BNC2: variants seen among roughly 807,000 people sequenced by gnomAD.
The protein encoded by BNC2 is zinc finger protein basonuclin-2.
BNC2 carries 20 observed loss-of-function variants against 76.3 expected under a neutral mutation model. That is an observed-to-expected ratio of 0.26 (90% CI 0.18 to 0.38). The LOEUF (loss-of-function observed/expected upper bound fraction) is 0.38, where lower values mean the gene tolerates loss of function less well. Ranked by LOEUF, BNC2 falls within the 10% of genes least tolerant of loss-of-function variation. The pLI, the probability that BNC2 is intolerant of heterozygous loss-of-function variation, is 1.00. For synonymous variants in BNC2, 582 were observed against 514.8 expected, an observed-to-expected ratio of 1.13 and a Z score of -1.77; for missense variants, 1,382 against 1,399.8, an observed-to-expected ratio of 0.99 and a Z score of 0.20.
At chr9:16,674,949 GAATCGGCATTTGAGCAACACCCA>G (rs1822595256) in intron 3 of BNC2, among the ~76,000 whole-genome samples, 1 of 152,104 alleles carries the variant, frequency 6.6e-6, no homozygotes, top group Admixed American at 6.5e-5. Context: ...TAAAGTTTAA[GAATCGGCATTTGAGCAACACCCA>G]AATTCTAAAC....
intron 5 of BNC2, among the ~76,000 whole-genome samples, chr9:16,509,018 C>A (rs1489477223): frequency 6.6e-6 from 1 of 151,878 alleles, no homozygotes; most frequent in Non-Finnish European, 1.5e-5. Context: ...TTAGTAAAGA[C>A]AGAGTCTTAC....
chr9:16,596,801 T>C lies in BNC2; in HGVS notation c.331-13716A>G, dbSNP rs112196301. On this transcript the variant is annotated intron_variant, in intron 3 of 6. Coordinates refer to ENST00000380672, the MANE Select transcript of BNC2 (RefSeq NM_017637.6). ...AATTTCATTACATATTCATGCTAGG[T>C]GATTGTGGTTGTAGATTAATTTTTT... is the stretch of plus-strand genomic sequence containing the variant. 5.3e-3 allele frequency among the ~76,000 whole-genome samples: 804 copies of C among 152,212 alleles called. 6 individuals are homozygous for C. Among genetic ancestry groups the C allele is most frequent in the African/African-American group, 0.018 (756 of 41,560 alleles).
chr9:16,697,129 G>A (rs533902626), intron 3 of BNC2, among the ~76,000 whole-genome samples: 1 of 152,208 alleles, frequency 6.6e-6, no homozygotes, highest in South Asian at 2.1e-4. Flanking sequence ...GGGAGGCTGA[G>A]GCGGGTGGAT....
intron 5 of BNC2, among the ~76,000 whole-genome samples, chr9:16,530,371 A>T (rs1817940504): frequency 6.6e-6 from 1 of 152,168 alleles, no homozygotes; most frequent in Non-Finnish European, 1.5e-5. Flanking sequence ...CTGGAACAAA[A>T]GTTCCAGAAA....
intron 5 of BNC2, among the ~76,000 whole-genome samples, chr9:16,446,158 A>T (rs4961718): frequency 6.6e-6 from 1 of 151,900 alleles, no homozygotes; most frequent in Non-Finnish European, 1.5e-5. Context: ...AAACACACAC[A>T]GGAATACAGA....
chr9:16,813,112 C>G lies in BNC2; in HGVS notation c.3+57534G>C, dbSNP rs542742651. Among the ~76,000 whole-genome samples, 807 of 152,066 alleles carry G rather than the reference C, an allele frequency of 5.3e-3. 5 individuals are homozygous for G. Among genetic ancestry groups the G allele is most frequent in the Middle Eastern group, 6.8e-3 (2 of 294 alleles). ...ACTTGGAAGGCTGAGGCAGGAGAAT[C>G]ACTGGAACCCTGTAGGCCGAGGTTG... On this transcript the variant is annotated intron_variant, in intron 1 of 6. Coordinates refer to ENST00000380672, the MANE Select transcript of BNC2 (RefSeq NM_017637.6).
At chr9:16,480,253 C>T (rs1822017862) in intron 5 of BNC2, among the ~76,000 whole-genome samples, 1 of 152,226 alleles carries the variant, frequency 6.6e-6, no homozygotes, top group Non-Finnish European at 1.5e-5. Flanking sequence ...CAGTACACTG[C>T]ACAGCCTCTC....
At chr9:16,441,416 G>A (rs531549651) in intron 5 of BNC2, among the ~76,000 whole-genome samples, 5 of 152,354 alleles carry the variant, frequency 3.3e-5, no homozygotes, top group African/African-American at 7.2e-5. Flanking sequence ...AAGTGTGCAA[G>A]CTGGATGCTA....
intron 3 of BNC2, among the ~76,000 whole-genome samples, chr9:16,675,736 C>T (rs76121798): frequency 0.014 from 2,062 of 152,096 alleles, 51 homozygotes; most frequent in African/African-American, 0.046. Context: ...CCTTAGTTTC[C>T]AAATCTGTAA....
chr9:16,836,787 C>G (rs1371443458), intron 1 of BNC2, among the ~76,000 whole-genome samples: 2 of 151,070 alleles, frequency 1.3e-5, no homozygotes, highest in East Asian at 1.9e-4. Context: ...GGTAGAAGAA[C>G]CAACCTCAAA....
At chr9:16,829,223 G>T (rs1462475099) in intron 1 of BNC2, among the ~76,000 whole-genome samples, 1 of 152,232 alleles carries the variant, frequency 6.6e-6, no homozygotes, top group Non-Finnish European at 1.5e-5. Context: ...AGGAAGGGTA[G>T]AAGAGAGGAG....
At chr9:16,862,089 G>C (rs557400826) in intron 1 of BNC2, among the ~76,000 whole-genome samples, 3 of 152,082 alleles carry the variant, frequency 2.0e-5, no homozygotes, top group Non-Finnish European at 4.4e-5. Flanking sequence ...TGCTGCAGTT[G>C]CGTTGGAAAA....
intron 3 of BNC2, chr9:16,685,731 C>A (rs1822958305): frequency 1.6e-6 from 1 of 624,094 alleles, no homozygotes; most frequent in African/African-American, 1.9e-5. Flanking sequence ...AACTGCGGGT[C>A]TCTAACAGGT....
chr9:16,703,285 A>G (rs921559437), intron 3 of BNC2, among the ~76,000 whole-genome samples: 3 of 152,186 alleles, frequency 2.0e-5, no homozygotes, highest in Admixed American at 2.0e-4. Context: ...AACATTAACT[A>G]CTTTTTCTAG....
chr9:16,631,715 A>G (rs1168772917), intron 3 of BNC2, among the ~76,000 whole-genome samples: 1 of 152,232 alleles, frequency 6.6e-6, no homozygotes, highest in Non-Finnish European at 1.5e-5. Flanking sequence ...ATCTTGACAT[A>G]AAAACCATCT....
rs142150467 is a variant in BNC2, at chr9:16,616,854, G to C, written c.331-33769C>G. ...AAGGAAGGAAGTTCTACTGACACGT[G>C]GGAATTTCGTAGGTGGCTCTCTATA... On this transcript the variant is annotated intron_variant, in intron 3 of 6. Coordinates refer to ENST00000380672, the MANE Select transcript of BNC2 (RefSeq NM_017637.6). 1.6e-3 allele frequency among the ~76,000 whole-genome samples: 141 copies of C among 89,038 alleles called. 2 individuals are homozygous for C. In the East Asian group the frequency reaches 0.047, roughly 30 times the overall value. 58.4% of individuals were successfully genotyped at this position (89,038 alleles called of 152,430 possible). A position where few individuals can be genotyped will look rare whatever the true frequency, so the allele number is the denominator to read the frequency against.
At chr9:16,804,882 T>C (rs913987458) in intron 1 of BNC2, among the ~76,000 whole-genome samples, 2 of 151,832 alleles carry the variant, frequency 1.3e-5, no homozygotes, top group African/African-American at 4.8e-5. Flanking sequence ...GCCAATACAG[T>C]GAAACCCCGT....
intron 5 of BNC2, among the ~76,000 whole-genome samples, chr9:16,479,532 G>C (rs577129219): frequency 6.6e-6 from 1 of 152,260 alleles, no homozygotes; most frequent in East Asian, 1.9e-4. Context: ...AAAGTCGAAT[G>C]AATTGTACAG....
At chr9:16,659,147 C>CGGGG (rs34748774) in intron 3 of BNC2, among the ~76,000 whole-genome samples, 159 of 150,176 alleles carry the variant, frequency 1.1e-3, no homozygotes, top group Non-Finnish European at 1.7e-3. Flanking sequence ...AGATGGATGG[C>CGGGG]GGGGGGGGGC....
Sources: allele counts gnomAD v4.1 joint callset (sites outside exome capture counted in the v4.1 genomes callset), GRCh38; gene constraint gnomAD v4.1.1; transcripts MANE v1.5; gene names NCBI Gene and HGNC (gene_info 2026-07-23, HGNC 2026-07-21).